CEP128: variants seen among roughly 807,000 people sequenced by gnomAD.
CEP128 encodes centrosomal protein 128.
Under a neutral mutation model 156.7 loss-of-function variants are expected in CEP128, and 132 were observed. The ratio of observed to expected loss-of-function variants is 0.84; its 90% confidence interval spans 0.73 to 0.97. CEP128 has a LOEUF of 0.97. Ranked by LOEUF, CEP128 falls within the 50% of genes least tolerant of loss-of-function variation. CEP128 has a pLI of 0.00. For missense variants in CEP128, 1,252 were observed against 1,281.9 expected (o/e 0.98, Z 0.36); for synonymous variants, 469 against 448.9 (o/e 1.04, Z -0.57).
At chr14:80,919,597 C>CT (rs1386748476) in intron 2 of CEP128, among the ~76,000 whole-genome samples, 3 of 151,918 alleles carry the variant, frequency 2.0e-5, no homozygotes, top group East Asian at 1.9e-4. Flanking sequence ...ACCTCAAAGT[C>CT]TTTTTTTATA....
intron 19 of CEP128, among the ~76,000 whole-genome samples, chr14:80,655,718 G>A (rs1219035410): frequency 6.6e-6 from 1 of 152,130 alleles, no homozygotes; most frequent in Non-Finnish European, 1.5e-5. Flanking sequence ...TGTTTCGCTG[G>A]TAGAAAGATA....
At chr14:80,823,358 T>A (rs1885291420) in intron 13 of CEP128, among the ~76,000 whole-genome samples, 1 of 152,204 alleles carries the variant, frequency 6.6e-6, no homozygotes, top group Admixed American at 6.5e-5. Flanking sequence ...AGGGTCGGCT[T>A]GTGAAAAGTT....
At chr14:80,844,751 G>GT (rs1886514501) in intron 9 of CEP128, among the ~76,000 whole-genome samples, 2 of 151,198 alleles carry the variant, frequency 1.3e-5, no homozygotes, top group Admixed American at 6.6e-5. Context: ...TGTGTTTTTT[G>GT]TTTTTTTCAT....
chr14:80,830,023 G>A (rs904969778), intron 13 of CEP128: 10 of 350,764 alleles, frequency 2.9e-5, no homozygotes, highest in Non-Finnish European at 5.2e-5. Flanking sequence ...CTACCTTTTA[G>A]ATCTATCCAA....
chr14:80,708,783 T>C (rs1897306325), intron 19 of CEP128, among the ~76,000 whole-genome samples: 1 of 152,154 alleles, frequency 6.6e-6, no homozygotes, highest in Non-Finnish European at 1.5e-5. Flanking sequence ...AATTAAAGTT[T>C]TTACATTAAA....
chr14:80,706,852 T>G (rs1897254111), intron 19 of CEP128, among the ~76,000 whole-genome samples: 1 of 152,160 alleles, frequency 6.6e-6, no homozygotes, highest in African/African-American at 2.4e-5. Context: ...ATTGTTCAAA[T>G]GAGGTGAATT....
chr14:80,802,653 GTTTT>G (rs1020691899), intron 13 of CEP128, among the ~76,000 whole-genome samples: 1 of 150,134 alleles, frequency 6.7e-6, no homozygotes, highest in Non-Finnish European at 1.5e-5. Flanking sequence ...CATGTATCCC[GTTTT>G]TTTTTATTTT....
intron 19 of CEP128, among the ~76,000 whole-genome samples, chr14:80,712,574 AGT>A (rs1897453105): frequency 6.6e-6 from 1 of 152,110 alleles, no homozygotes; most frequent in Non-Finnish European, 1.5e-5. Context: ...TGGGGTCCTG[AGT>A]ACCCAGAGCA....
At chr14:80,764,942 C>A (rs1397197978) in intron 16 of CEP128, among the ~76,000 whole-genome samples, 1 of 152,184 alleles carries the variant, frequency 6.6e-6, no homozygotes, top group Non-Finnish European at 1.5e-5. Context: ...GATCCTAAAT[C>A]CAAGAGTTAA....
chr14:80,737,554 T>C (rs982367143), intron 19 of CEP128, among the ~76,000 whole-genome samples: 2 of 152,282 alleles, frequency 1.3e-5, no homozygotes, highest in Non-Finnish European at 2.9e-5. Context: ...ATCTACACCA[T>C]TGAACTTCTG....
At chr14:80,583,235 C>T (rs972286955) in intron 19 of CEP128, among the ~76,000 whole-genome samples, 7 of 152,118 alleles carry the variant, frequency 4.6e-5, no homozygotes, top group African/African-American at 7.2e-5. Context: ...TAAAAACAAC[C>T]GAAGAATTCC....
chr14:80,706,453 G>GT (rs1204077381), intron 19 of CEP128, among the ~76,000 whole-genome samples: 1 of 152,018 alleles, frequency 6.6e-6, no homozygotes, highest in Non-Finnish European at 1.5e-5. Context: ...GTGTGTGTGT[G>GT]TAAGTTCTAT....
At chr14:80,800,199 T>C (rs1027230826) in intron 13 of CEP128, among the ~76,000 whole-genome samples, 3 of 152,000 alleles carry the variant, frequency 2.0e-5, no homozygotes, top group African/African-American at 7.3e-5. Context: ...TTATGGAAAA[T>C]AGAAAGAACC....
At chr14:80,786,507 T>G (rs899712077) in intron 14 of CEP128, among the ~76,000 whole-genome samples, 2 of 152,026 alleles carry the variant, frequency 1.3e-5, no homozygotes, top group African/African-American at 4.8e-5. Context: ...CAAAAAAAAG[T>G]TTCCCCAATC....
intron 20 of CEP128, among the ~76,000 whole-genome samples, chr14:80,579,982 G>T (rs149839875): frequency 5.8e-4 from 88 of 152,310 alleles, no homozygotes; most frequent in African/African-American, 2.1e-3. Context: ...TAATTGGTTG[G>T]TCATTAGTAG....
chr14:80,696,871 C>T (rs1051074307), intron 19 of CEP128, among the ~76,000 whole-genome samples: 2 of 152,084 alleles, frequency 1.3e-5, no homozygotes, highest in African/African-American at 4.8e-5. Flanking sequence ...CACAGAGCGT[C>T]GTTTCTTTGT....
intron 20 of CEP128, among the ~76,000 whole-genome samples, chr14:80,575,680 C>T (rs975570950): frequency 2.0e-5 from 3 of 152,124 alleles, no homozygotes; most frequent in Admixed American, 2.0e-4. Flanking sequence ...TTTATTGCAA[C>T]CTGTCAGGCA....
In CEP128 at chr14:80,906,001, A is replaced by C; in HGVS notation, c.315T>G (p.Ser105=). ...LLRNSGGRSI[S]VTSLSASDLD... ...GGTCACTTGCACTCAAACTTGTAAC[A>C]GAAATACTTCTCCCTCCTGAGTTTC... Residue 105 remains serine (S), a synonymous_variant, in exon 5 of 25, where the codon TCT becomes TCG. Transcript: ENST00000555265. 6.2e-7 allele frequency: 1 copy of C among 1,613,456 alleles called. No homozygotes were observed. The highest frequency in any genetic ancestry group is 8.5e-7 in the Non-Finnish European group (1 of 1,179,666).
chr14:80,602,585 C>A (rs1892623567), intron 19 of CEP128, among the ~76,000 whole-genome samples: 1 of 152,124 alleles, frequency 6.6e-6, no homozygotes, highest in South Asian at 2.1e-4. Flanking sequence ...TCCTGGCTAA[C>A]ACCATGAAAC....
Sources: gnomAD v4.1 joint callset for allele counts (sites outside exome capture counted in the v4.1 genomes callset) on GRCh38, gnomAD v4.1.1 for gene constraint, MANE v1.5 for transcripts, NCBI Gene and HGNC (gene_info 2026-07-23, HGNC 2026-07-21) for gene names.